DAZAP1: variants seen among roughly 807,000 people sequenced by gnomAD.
DAZAP1 encodes the protein DAZ associated protein 1, also known as DAZ-associated protein 1.
DAZAP1 carries 6 observed loss-of-function variants against 60.1 expected under a neutral mutation model. The observed-to-expected ratio is 0.10, with a 90% CI of 0.05 to 0.20. The LOEUF (loss-of-function observed/expected upper bound fraction) is 0.20, where lower values mean the gene tolerates loss of function less well. Among genes scored for constraint, DAZAP1 ranks in the 10% least tolerant of loss-of-function variants. The pLI, the probability that DAZAP1 is intolerant of heterozygous loss-of-function variation, is 1.00. For missense variants in DAZAP1, 366 were observed against 560.4 expected (o/e 0.65, Z 3.50); for synonymous variants, 235 against 215.9 (o/e 1.09, Z -0.78).
chr19:1,424,198 C>T (rs994033036), intron 6 of DAZAP1, among the ~76,000 whole-genome samples: 4 of 152,074 alleles, frequency 2.6e-5, no homozygotes, highest in South Asian at 2.1e-4. Context: ...GGCCCTCCCA[C>T]GTCTACCCTC....
chr19:1,412,569 G>A (rs909851858), intron 1 of DAZAP1, among the ~76,000 whole-genome samples: 4 of 152,218 alleles, frequency 2.6e-5, no homozygotes, highest in African/African-American at 9.6e-5. Context: ...TGCTGGCCCC[G>A]AATGGCCGGG....
chr19:1,430,063 C>T (rs1159596402), intron 9 of DAZAP1, 67 bp downstream of exon 9: 7 of 1,581,072 alleles, frequency 4.4e-6, no homozygotes, highest in Middle Eastern at 1.7e-4. Flanking sequence ...CGCCAGGTGT[C>T]CTGGGGCAGC....
chr19:1,418,702 C>G lies in DAZAP1; in HGVS notation c.274C>G (p.Pro92Ala), dbSNP rs763269732. The change falls in exon 4 of 12, where the codon CCG becomes GCG. Residue 92 changes from proline (P) to alanine (A), a missense_variant. By Grantham distance (27) the Pro-to-Ala change is conservative. This residue lies in a region of DAZAP1 where 98 missense variants were observed against 155.3 expected (regional missense o/e 0.63). Transcript: ENST00000233078. The surrounding 1 kb of genome is among the most constrained non-coding windows in gnomAD (Gnocchi z 5.7). ...PKPCTPRGMQ[P>A]ERTRPKEGWQ... ...GCCATGCACACCCCGGGGGATGCAG[C>G]CGGAGAGAACACGGCCGAAGGAAGG... The G allele has an allele frequency of 1.2e-6, 2 of 1,613,314 alleles. No individual in the cohort carries two copies. The highest frequency in any genetic ancestry group is 1.7e-6 in the Non-Finnish European group (2 of 1,179,580).
chr19:1,429,477 GCCACGGAA>G (rs896505890), intron 8 of DAZAP1, among the ~76,000 whole-genome samples: 12 of 152,206 alleles, frequency 7.9e-5, no homozygotes, highest in Admixed American at 5.9e-4. Flanking sequence ...GCTTCCAGCA[GCCACGGAA>G]CCCCTGGGCT....
chr19:1,430,253 A>AGGGC lies in DAZAP1; in HGVS notation c.763_764insGGCG (p.Ala255GlyfsTer173). On this transcript the variant is annotated frameshift_variant, in exon 10 of 12. Coordinates refer to ENST00000233078, the MANE Select transcript of DAZAP1 (RefSeq NM_018959.4). LOFTEE classifies it high-confidence loss of function. ...ATGGACCGCCCCCTGCAGGAAGAGG[A>AGGGC]GCCCCCCCGCCACCCCCACCGTTCA... The AGGGC allele has an allele frequency of 7.4e-7, 1 of 1,353,106 alleles. No individual in the cohort carries two copies. The highest frequency in any genetic ancestry group is 1.0e-6 in the Non-Finnish European group (1 of 973,904). The allele number at this position is 1,353,106 out of a possible 1,614,324, so 83.8% of individuals were successfully genotyped here. A position where few individuals can be genotyped will look rare whatever the true frequency, so the allele number is the denominator to read the frequency against.
chr19:1,414,375 C>G (rs2082913881), intron 1 of DAZAP1, among the ~76,000 whole-genome samples: 1 of 152,290 alleles, frequency 6.6e-6, no homozygotes, highest in African/African-American at 2.4e-5. Flanking sequence ...ATGCAGTCCC[C>G]TTTATGTGTA....
At position 1,430,278 on chromosome 19, in the gene DAZAP1, ACCT is replaced by A. The variant is rs2083412249; in HGVS notation, c.791_793del (p.Ser264del). On this transcript the variant is annotated inframe_deletion, in exon 10 of 12. Transcript: ENST00000233078. ...AGCCCCCCCGCCACCCCCACCGTTC[ACCT>A]CCTACATCGTGTCCACCCCTCCTGG... 1 of 1,317,468 alleles carries A rather than the reference ACCT, an allele frequency of 7.6e-7. No individual in the cohort carries two copies. The highest frequency in any genetic ancestry group is 1.1e-6 in the Non-Finnish European group (1 of 951,594). The allele number at this position is 1,317,468 out of a possible 1,614,324, so 81.6% of individuals were successfully genotyped here.
Position 1,418,149 on chromosome 19 carries a change from C to G in DAZAP1, c.71-55C>G. 1 of 1,589,074 alleles carries G rather than the reference C, an allele frequency of 6.3e-7. No homozygotes were observed. Among genetic ancestry groups the G allele is most frequent in the Non-Finnish European group, 8.6e-7 (1 of 1,159,872 alleles). On this transcript the variant is annotated intron_variant, in intron 2 of 11. Transcript: ENST00000233078. This position sits in a 1 kb window ranked among gnomAD's most constrained non-coding sequence, Gnocchi z 5.7. ...TGCGTGCCGGCAGCACTGCCAGGCA[C>G]GTGCCTAATGCTCTGGCCCTGTGTG...
In DAZAP1 at chr19:1,422,064, C is replaced by T. The variant is rs568514913; in HGVS notation, c.415-284C>T. ...GTCGGCGTTGTTGGCCCTTCATGTC[C>T]GTCAGCACACACGTGAGCGGGGCCA... On this transcript the variant is annotated intron_variant, in intron 5 of 11. Coordinates refer to ENST00000233078, the MANE Select transcript of DAZAP1 (RefSeq NM_018959.4). The surrounding 1 kb of genome is among the most constrained non-coding windows in gnomAD (Gnocchi z 4.5). Among the ~76,000 whole-genome samples the T allele has an allele frequency of 6.6e-6, 1 of 152,164 alleles. No individual in the cohort carries two copies. The highest frequency in any genetic ancestry group is 1.5e-5 in the Non-Finnish European group (1 of 68,026).
Position 1,433,693 on chromosome 19 carries a change from G to C in DAZAP1, c.1048+1003G>C. On this transcript the variant is annotated intron_variant, in intron 11 of 11. Coordinates refer to ENST00000233078, the MANE Select transcript of DAZAP1 (RefSeq NM_018959.4). This position sits in a 1 kb window ranked among gnomAD's most constrained non-coding sequence, Gnocchi z 6.1. Reference sequence around the variant, plus strand: ...GTGGCGTGTGTCAGCCGCTGCTCTTGGTGGCGGCTGCTTGGGTTGGTCACC... The same window carrying C: ...GTGGCGTGTGTCAGCCGCTGCTCTTCGTGGCGGCTGCTTGGGTTGGTCACC... 4 of 1,515,384 alleles carry C rather than the reference G, an allele frequency of 2.6e-6. No homozygotes were observed. Among genetic ancestry groups the C allele is most frequent in the Non-Finnish European group, 3.7e-6 (4 of 1,092,414 alleles). The allele number at this position is 1,515,384 out of a possible 1,614,324, so 93.9% of individuals were successfully genotyped here.
rs566734583 is a variant in DAZAP1, at chr19:1,434,675, C to T, written c.1049-62C>T. The T allele has an allele frequency of 1.7e-4, 274 of 1,579,288 alleles. 1 individual carries two copies. The highest frequency in any genetic ancestry group is 2.1e-4 in the East Asian group (9 of 43,436). ...CGGCGGAGCTGTGTCCAGGTGGCCTCGCTCGACGGCAGTGCCAACCGCCCA... is the reference window on the plus strand; with the variant it reads ...CGGCGGAGCTGTGTCCAGGTGGCCTTGCTCGACGGCAGTGCCAACCGCCCA... On this transcript the variant is annotated intron_variant, in intron 11 of 11. Coordinates refer to ENST00000233078, the MANE Select transcript of DAZAP1 (RefSeq NM_018959.4). This position sits in a 1 kb window ranked among gnomAD's most constrained non-coding sequence, Gnocchi z 8.0.
chr19:1,435,000 C>A lies in DAZAP1; in HGVS notation c.*88C>A. 1 of 651,188 alleles carries A rather than the reference C, an allele frequency of 1.5e-6. No homozygotes were observed. The highest frequency in any genetic ancestry group is 1.9e-6 in the Non-Finnish European group (1 of 513,314). The allele number at this position is 651,188 out of a possible 1,614,324, so 40.3% of individuals were successfully genotyped here. A position where few individuals can be genotyped will look rare whatever the true frequency, so the allele number is the denominator to read the frequency against. ...AATCACAAACTTGGCGGCAAAGTGG[C>A]GACTCAACCTTGGGGGGGGGGGCGG... On this transcript the variant is annotated 3_prime_UTR_variant, in exon 12 of 12. Coordinates refer to ENST00000233078, the MANE Select transcript of DAZAP1 (RefSeq NM_018959.4). This position sits in a 1 kb window ranked among gnomAD's most constrained non-coding sequence, Gnocchi z 8.0.
intron 8 of DAZAP1, 110 bp from the exon 9 acceptor site, chr19:1,429,857 G>C (rs142464394): frequency 8.1e-6 from 11 of 1,355,504 alleles, no homozygotes; most frequent in Non-Finnish European, 1.1e-5. Flanking sequence ...CTAAGCACAG[G>C]AGGCTCCGGG....
chr19:1,428,280 G>GT lies in DAZAP1; in HGVS notation c.547-558dup, dbSNP rs1369539446. The GT allele has an allele frequency of 2.6e-5, 4 of 152,338 alleles. No individual in the cohort carries two copies. Among genetic ancestry groups the GT allele is most frequent in the Admixed American group, 6.5e-5 (1 of 15,296 alleles). 9.4% of individuals were successfully genotyped at this position (152,338 alleles called of 1,614,324 possible). A position where few individuals can be genotyped will look rare whatever the true frequency, so the allele number is the denominator to read the frequency against. On this transcript the variant is annotated intron_variant, in intron 7 of 11. Coordinates refer to ENST00000233078, the MANE Select transcript of DAZAP1 (RefSeq NM_018959.4). The surrounding 1 kb of genome is among the most constrained non-coding windows in gnomAD (Gnocchi z 4.0). ...ATCACATCCATTCCCTCTGACATTA[G>GT]TTTTGAGTTAATTGAGATTCTTTAA...
At position 1,418,639 on chromosome 19, in the gene DAZAP1, A is replaced by C. The variant is rs745659143; in HGVS notation, c.238-27A>C. ...CCTAGAGAAACAGCCTCTTATTCAC[A>C]ACCAGCTGATTTGAAATTTCCTGCA... On this transcript the variant is annotated intron_variant, in intron 3 of 11. Transcript: ENST00000233078. The surrounding 1 kb of genome is among the most constrained non-coding windows in gnomAD (Gnocchi z 5.7). The C allele has an allele frequency of 5.0e-6, 8 of 1,613,498 alleles. No homozygotes were observed. In the Admixed American group the frequency reaches 1.3e-4, roughly 27 times the overall value.
intron 1 of DAZAP1, among the ~76,000 whole-genome samples, chr19:1,408,913 C>T (rs1431703908): frequency 6.6e-6 from 1 of 152,140 alleles, no homozygotes; most frequent in Admixed American, 6.5e-5. Context: ...GTAAATTTCT[C>T]GGTGCCCTTA....
intron 10 of DAZAP1, among the ~76,000 whole-genome samples, chr19:1,431,014 C>T (rs2083437632): frequency 6.6e-6 from 1 of 151,868 alleles, no homozygotes; most frequent in South Asian, 2.1e-4. Flanking sequence ...AGTGACTGCG[C>T]CCAGCCTCAC....
chr19:1,416,904 G>A lies in DAZAP1; in HGVS notation c.30-596G>A, dbSNP rs75231235. ...GAGACAGCCCCAGAATGGGGGTGGC[G>A]CGGGTTTGTCGGGGGTAAGTAAGTG... On this transcript the variant is annotated intron_variant, in intron 1 of 11. Coordinates refer to ENST00000233078, the MANE Select transcript of DAZAP1 (RefSeq NM_018959.4). The surrounding 1 kb of genome is among the most constrained non-coding windows in gnomAD (Gnocchi z 4.3). 0.041 allele frequency: 6,229 copies of A among 153,764 alleles called. 164 individuals carry two copies. The highest frequency in any genetic ancestry group is 0.086 in the Middle Eastern group (26 of 302). 9.5% of individuals were successfully genotyped at this position (153,764 alleles called of 1,614,324 possible).
At position 1,428,334 on chromosome 19, in the gene DAZAP1, T is replaced by C. The variant is rs1461555646; in HGVS notation, c.547-508T>C. On this transcript the variant is annotated intron_variant, in intron 7 of 11. Transcript: ENST00000233078. The surrounding 1 kb of genome is among the most constrained non-coding windows in gnomAD (Gnocchi z 4.0). ...TTAGCCTGGGGAAGGTAAGTCTTTA[T>C]CTTCCATTAGACATTTTAAATTTAA... The C allele has an allele frequency of 1.3e-5, 2 of 152,714 alleles. No homozygotes were observed. The highest frequency in any genetic ancestry group is 2.9e-5 in the Non-Finnish European group (2 of 68,422). The allele number at this position is 152,714 out of a possible 1,614,324, so 9.5% of individuals were successfully genotyped here.
Sources: gnomAD v4.1 joint callset for allele counts (sites outside exome capture counted in the v4.1 genomes callset) on GRCh38, gnomAD v4.1.1 for gene constraint, gnomAD v4.1.1 regional missense constraint, Gnocchi (gnomAD v3.1) non-coding constraint, MANE v1.5 for transcripts, NCBI Gene and HGNC (gene_info 2026-07-23, HGNC 2026-07-21) for gene names.